Variants in FSTL5 observed in about 807,000 individuals in gnomAD.
FSTL5 encodes follistatin-related protein 5.
In FSTL5, 62 loss-of-function variants were observed where a neutral mutation model predicts 89.1. That is an observed-to-expected ratio of 0.70 (90% CI 0.57 to 0.86). The LOEUF (loss-of-function observed/expected upper bound fraction) is 0.86. Among genes scored for constraint, FSTL5 ranks in the 40% least tolerant of loss-of-function variants. The pLI, the probability that FSTL5 is intolerant of heterozygous loss-of-function variation, is 0.00. For synonymous variants in FSTL5, 383 were observed against 346.2 expected, an observed-to-expected ratio of 1.11 and a Z score of -1.18; for missense variants, 1,057 against 1,001.6, an observed-to-expected ratio of 1.06 and a Z score of -0.75.
intron 12 of FSTL5, among the ~76,000 whole-genome samples, chr4:161,487,635 A>G (rs777214791): frequency 6.6e-6 from 1 of 151,974 alleles, no homozygotes; most frequent in South Asian, 2.1e-4. Context: ...TTTTTCTCCC[A>G]CAGAGTTTAG....
intron 15 of FSTL5, among the ~76,000 whole-genome samples, chr4:161,402,213 C>A (rs892729992): frequency 8.5e-5 from 13 of 152,128 alleles, no homozygotes; most frequent in Admixed American, 2.6e-4. Context: ...GCAACAAATG[C>A]ATCATTTGCA....
intron 6 of FSTL5, among the ~76,000 whole-genome samples, chr4:161,661,509 T>TTA (rs1736709949): frequency 6.6e-6 from 1 of 152,102 alleles, no homozygotes; most frequent in Non-Finnish European, 1.5e-5. Context: ...ACTTAGAAAC[T>TTA]GTAAATGGAA....
At chr4:161,876,201 T>C (rs1367519333) in intron 4 of FSTL5, among the ~76,000 whole-genome samples, 1 of 152,220 alleles carries the variant, frequency 6.6e-6, no homozygotes, top group East Asian at 1.9e-4. Flanking sequence ...ATTTACTAAA[T>C]AAATTCTCAA....
intron 2 of FSTL5, among the ~76,000 whole-genome samples, chr4:162,042,561 G>T (rs1452156536): frequency 6.6e-6 from 1 of 151,986 alleles, no homozygotes; most frequent in African/African-American, 2.4e-5. Context: ...AGTGAGATAT[G>T]TTAGAAAATA....
rs184717990 is a variant in FSTL5, at chr4:161,818,138, A to G, written c.410-42064T>C. 4.5e-3 allele frequency among the ~76,000 whole-genome samples: 692 copies of G among 152,280 alleles called. 6 individuals are homozygous for G. Among genetic ancestry groups the G allele is most frequent in the African/African-American group, 0.015 (644 of 41,552 alleles). ...AGCGGAGGAACACACAGGCAGCTGG[A>G]CATCAAGAAGAATGCAACGACAGGC... On this transcript the variant is annotated intron_variant, in intron 4 of 15. Transcript: ENST00000306100.
chr4:161,634,646 G>T (rs1735624673), intron 7 of FSTL5, among the ~76,000 whole-genome samples: 1 of 152,052 alleles, frequency 6.6e-6, no homozygotes, highest in African/African-American at 2.4e-5. Context: ...GATACAAAAA[G>T]ACAAGTACCC....
intron 3 of FSTL5, among the ~76,000 whole-genome samples, chr4:161,960,765 A>G (rs1405657998): frequency 6.6e-6 from 1 of 152,024 alleles, no homozygotes; most frequent in East Asian, 1.9e-4. Flanking sequence ...TTCCACCAAT[A>G]CAAGTCTGAT....
intron 7 of FSTL5, among the ~76,000 whole-genome samples, chr4:161,605,739 G>C (rs927509701): frequency 2.0e-5 from 3 of 152,204 alleles, no homozygotes; most frequent in African/African-American, 7.2e-5. Flanking sequence ...TGTCTTGGAA[G>C]ATAAGTCTTT....
chr4:161,474,604 G>A (rs1344859576), intron 13 of FSTL5, among the ~76,000 whole-genome samples: 1 of 148,786 alleles, frequency 6.7e-6, no homozygotes, highest in Non-Finnish European at 1.5e-5. Context: ...GGAGTGCAGT[G>A]GCAGGATCTC....
rs1264514998 is a variant in FSTL5, at chr4:161,527,943, C to T, written c.1312+10223G>A. Among the ~76,000 whole-genome samples the T allele has an allele frequency of 1.9e-4, 28 of 149,628 alleles. No homozygotes were observed. The South Asian group carries it at 5.7e-3, about 30-fold the overall frequency. ...GGATTAAGAAAATGTGGCACATATA[C>T]ACCATGGAATACTATGCAGCCATAA... On this transcript the variant is annotated intron_variant, in intron 10 of 15. Coordinates refer to ENST00000306100, the MANE Select transcript of FSTL5 (RefSeq NM_020116.5).
At chr4:161,700,206 T>A (rs1738338829) in intron 6 of FSTL5, among the ~76,000 whole-genome samples, 1 of 152,190 alleles carries the variant, frequency 6.6e-6, no homozygotes, top group Non-Finnish European at 1.5e-5. Flanking sequence ...TCTATACTTA[T>A]GCTCATTCTA....
chr4:161,865,950 A>C (rs2126895122), intron 4 of FSTL5, among the ~76,000 whole-genome samples: 1 of 152,328 alleles, frequency 6.6e-6, no homozygotes, highest in African/African-American at 2.4e-5. Flanking sequence ...CAAAATGTAC[A>C]GGTCACAGAA....
intron 3 of FSTL5, among the ~76,000 whole-genome samples, chr4:162,031,665 C>T (rs531715659): frequency 4.6e-5 from 7 of 152,126 alleles, no homozygotes; most frequent in Admixed American, 6.6e-5. Context: ...GGGCCGGGCG[C>T]GGTGGCTCAA....
intron 15 of FSTL5, among the ~76,000 whole-genome samples, chr4:161,438,266 A>G (rs1166771512): frequency 3.4e-5 from 5 of 147,534 alleles, no homozygotes; most frequent in African/African-American, 1.3e-4. Context: ...TCTGCCTATG[A>G]GCCCATCTGG....
chr4:161,506,279 C>T (rs1272762240), intron 11 of FSTL5, among the ~76,000 whole-genome samples: 2 of 151,494 alleles, frequency 1.3e-5, no homozygotes, highest in Admixed American at 6.6e-5. Context: ...TGCTATATTG[C>T]CTAGGCTGTT....
At chr4:161,457,698 AAT>A (rs1457595788) in intron 14 of FSTL5, among the ~76,000 whole-genome samples, 2 of 152,130 alleles carry the variant, frequency 1.3e-5, no homozygotes, top group Non-Finnish European at 2.9e-5. Context: ...TCTTAAAGTT[AAT>A]AGAGTATTAA....
intron 7 of FSTL5, among the ~76,000 whole-genome samples, chr4:161,597,392 C>G (rs1734054960): frequency 1.3e-5 from 2 of 148,916 alleles, no homozygotes; most frequent in African/African-American, 5.0e-5. Flanking sequence ...AAAAACCAAA[C>G]ACCGCATGTT....
At chr4:161,705,958 A>AGATGTG (rs1738557282) in intron 6 of FSTL5, among the ~76,000 whole-genome samples, 3 of 52,888 alleles carry the variant, frequency 5.7e-5, no homozygotes, top group African/African-American at 3.1e-4. Flanking sequence ...GTGTGTATAT[A>AGATGTG]TATATATATA....
chr4:161,384,782 T>C lies in FSTL5; in HGVS notation c.*965A>G, dbSNP rs997609026. On this transcript the variant is annotated 3_prime_UTR_variant, in exon 16 of 16. Transcript: ENST00000306100. Reference sequence around the variant, plus strand: ...CCAGTTTTCTTTTCCTAGGTGTTAATTTCCCTATATATGGTTTACTTTAGC... The same window carrying C: ...CCAGTTTTCTTTTCCTAGGTGTTAACTTCCCTATATATGGTTTACTTTAGC... 2.0e-5 allele frequency: 3 copies of C among 152,174 alleles called. No homozygotes were observed. Among genetic ancestry groups the C allele is most frequent in the Admixed American group, 6.5e-5 (1 of 15,270 alleles). 9.4% of individuals were successfully genotyped at this position (152,174 alleles called of 1,614,324 possible). A position where few individuals can be genotyped will look rare whatever the true frequency, so the allele number is the denominator to read the frequency against.
Sources: allele counts gnomAD v4.1 joint callset (sites outside exome capture counted in the v4.1 genomes callset), GRCh38; gene constraint gnomAD v4.1.1; transcripts MANE v1.5; gene names NCBI Gene and HGNC (gene_info 2026-07-23, HGNC 2026-07-21).